U2SURP: variants seen among roughly 807,000 people sequenced by gnomAD.
U2SURP encodes U2 snRNP-associated SURP motif-containing protein.
Under a neutral mutation model 144.9 loss-of-function variants are expected in U2SURP, and 9 were observed. The observed-to-expected ratio is 0.06, with a 90% confidence interval of 0.04 to 0.11. The LOEUF is 0.11. Among genes scored for constraint, U2SURP ranks in the 10% least tolerant of loss-of-function variants. U2SURP has a pLI of 1.00. For synonymous variants in U2SURP, 408 were observed against 396.8 expected, an observed-to-expected ratio of 1.03 and a Z score of -0.33; for missense variants, 724 against 1,226.7, an observed-to-expected ratio of 0.59 and a Z score of 6.12.
intron 8 of U2SURP, 43 bp from the exon 9 acceptor site, chr3:143,021,307 G>A: frequency 6.4e-7 from 1 of 1,556,204 alleles, no homozygotes; most frequent in Non-Finnish European, 8.7e-7. Context: ...GGGGACTACT[G>A]TATTATAAAA....
chr3:143,024,598 A>G, intron 13 of U2SURP: 2 of 400,174 alleles, frequency 5.0e-6, no homozygotes, highest in South Asian at 1.9e-5. Context: ...CTCTTTCAAC[A>G]CACTATTAAA....
chr3:143,051,024 A>G lies in U2SURP; in HGVS notation c.2630A>G (p.His877Arg), dbSNP rs769233518. 4.3e-6 allele frequency: 7 copies of G among 1,611,006 alleles called. No individual in the cohort carries two copies. In the Admixed American group the frequency reaches 1.2e-4, roughly 27 times the overall value. The change falls in exon 25 of 28, where the codon CAC (histidine) becomes CGC (arginine). Residue 877 changes from histidine to arginine, a missense_variant. Physicochemically the swap from His to Arg is conservative, Grantham distance 29. Transcript: ENST00000473835. ...PGQSFQEQVE[H>R]YRDKLLQREK... The stretch of plus-strand genomic sequence containing the variant: ...CAGAGTTTTCAGGAGCAAGTAGAAC[A>G]CTACAGAGATAAACTTCTTCAACGA...
Position 143,023,028 on chromosome 3 carries a change from G to C in U2SURP, c.1194G>C (p.Met398Ile). The change falls in exon 12 of 28, where the codon ATG becomes ATC. Residue 398 changes from methionine to isoleucine, a missense_variant. Transcript: ENST00000473835. The part of the protein sequence containing the change: ...RERLKNPNAP[M>I]LPPPKNKEDF... ...GGTTAAAAAACCCTAATGCTCCTAT[G>C]TTACCGCCACCTAAAAACAAAGAGG... 6.2e-7 allele frequency: 1 copy of C among 1,609,314 alleles called. No homozygotes were observed. Among genetic ancestry groups the C allele is most frequent in the Non-Finnish European group, 8.5e-7 (1 of 1,177,912 alleles).
At chr3:143,003,677 C>T (rs79414101) in intron 1 of U2SURP, among the ~76,000 whole-genome samples, 37 of 101,512 alleles carry the variant, frequency 3.6e-4, no homozygotes, top group Admixed American at 8.8e-4. Flanking sequence ...TATTTTATTT[C>T]TTTTTTTTTT....
At chr3:143,004,108 C>T (rs924137280) in intron 1 of U2SURP, among the ~76,000 whole-genome samples, 5 of 152,108 alleles carry the variant, frequency 3.3e-5, no homozygotes, top group African/African-American at 4.8e-5. Flanking sequence ...ATTTCCTTTC[C>T]TCTGGAAAGA....
At chr3:143,045,141 C>T (rs6796771) in intron 24 of U2SURP, among the ~76,000 whole-genome samples, 91,015 of 151,734 alleles carry the variant, frequency 0.6, 27,545 homozygotes, top group East Asian at 0.7. Flanking sequence ...GAGGTCGAGG[C>T]GGGTGGATCA....
intron 24 of U2SURP, among the ~76,000 whole-genome samples, chr3:143,046,297 ATTTTT>A (rs11400849): frequency 9.4e-6 from 1 of 106,426 alleles, no homozygotes; most frequent in Admixed American, 1.0e-4. Context: ...TTTATTTTTT[ATTTTT>A]TTTTATTTTT....
In U2SURP at chr3:143,028,624, A is replaced by G. The variant is rs1440388621; in HGVS notation, c.1588A>G (p.Lys530Glu). Residue 530 changes from lysine (K) to glutamate (E), a missense_variant, in exon 16 of 28, where the codon AAA becomes GAA. Physicochemically the swap from Lys to Glu is moderately conservative, Grantham distance 56. Transcript: ENST00000473835. Reference protein sequence around the residue: ...ETEAFVEEPSKKGALKEEQRD... With the variant: ...ETEAFVEEPSEKGALKEEQRD... ...AGAAGCTTTTGTAGAGGAACCTAGTAAAAAGGGAGCACTTAAGGAAGAGTA... is the reference window on the plus strand; with the variant it reads ...AGAAGCTTTTGTAGAGGAACCTAGTGAAAAGGGAGCACTTAAGGAAGAGTA... The G allele has an allele frequency of 6.2e-7, 1 of 1,603,796 alleles. No homozygotes were observed. The highest frequency in any genetic ancestry group is 8.5e-7 in the Non-Finnish European group (1 of 1,177,236).
chr3:143,040,694 A>G (rs1336180427), intron 23 of U2SURP, among the ~76,000 whole-genome samples: 1 of 151,898 alleles, frequency 6.6e-6, no homozygotes, highest in Non-Finnish European at 1.5e-5. Context: ...TTGAACCTCG[A>G]ATTGTGGCTA....
At chr3:143,018,386 T>C (rs956154605) in intron 6 of U2SURP, among the ~76,000 whole-genome samples, 3 of 152,222 alleles carry the variant, frequency 2.0e-5, no homozygotes, top group Non-Finnish European at 4.4e-5. Flanking sequence ...TCATTCCTTT[T>C]TGTGGTTGAA....
chr3:143,036,263 T>G (rs1933803048), intron 20 of U2SURP, among the ~76,000 whole-genome samples, 159 bp downstream of exon 20: 1 of 152,204 alleles, frequency 6.6e-6, no homozygotes, highest in East Asian at 1.9e-4. Context: ...AACCCAGAAG[T>G]CAAAATTACA....
Position 143,057,052 on chromosome 3 carries a change from TTCTCTTGGGTAATACTAATAC to T in U2SURP, c.*603_*623del, listed in dbSNP as rs1463434796. ...TGCTAACCATTTGCTTTTGATAAGT[TTCTCTTGGGTAATACTAATAC>T]CCAGATATCAAAGACTAGGTAGATA... On this transcript the variant is annotated 3_prime_UTR_variant, in exon 28 of 28. Transcript: ENST00000473835. 6.6e-6 allele frequency: 1 copy of T among 152,546 alleles called. No individual in the cohort carries two copies. The highest frequency in any genetic ancestry group is 1.5e-5 in the Non-Finnish European group (1 of 68,004). 9.4% of individuals were successfully genotyped at this position (152,546 alleles called of 1,614,324 possible).
intron 24 of U2SURP, among the ~76,000 whole-genome samples, chr3:143,046,117 G>A (rs535310999): frequency 1.6e-3 from 239 of 151,866 alleles, no homozygotes; most frequent in Non-Finnish European, 2.4e-3. Flanking sequence ...GCATCCCCAC[G>A]TGTGTCCTAA....
chr3:143,020,593 C>T lies in U2SURP; in HGVS notation c.639-6C>T, dbSNP rs1367328118. Reference sequence around the variant, plus strand: ...CATTATAAGTGATTGTAAATATTTTCAACAGAATTCAAGAGGAACGTGATG... The same window carrying T: ...CATTATAAGTGATTGTAAATATTTTTAACAGAATTCAAGAGGAACGTGATG... On this transcript the variant is annotated splice_region_variant and splice_polypyrimidine_tract_variant and intron_variant, in intron 7 of 27. Coordinates refer to ENST00000473835, the MANE Select transcript of U2SURP (RefSeq NM_001080415.2). 6.2e-7 allele frequency: 1 copy of T among 1,603,834 alleles called. No individual in the cohort carries two copies. The highest frequency in any genetic ancestry group is 1.1e-5 in the South Asian group (1 of 89,222).
chr3:143,039,835 C>T (rs763489800), intron 23 of U2SURP, among the ~76,000 whole-genome samples: 4 of 151,626 alleles, frequency 2.6e-5, no homozygotes, highest in Non-Finnish European at 4.4e-5. Context: ...CAGTTTGATA[C>T]GATGGTGAAA....
chr3:143,017,561 CT>C (rs1475319182), intron 6 of U2SURP, among the ~76,000 whole-genome samples: 8 of 151,136 alleles, frequency 5.3e-5, no homozygotes, highest in African/African-American at 1.9e-4. Context: ...TAAAAAATAT[CT>C]CTAAAAGCAA....
intron 1 of U2SURP, among the ~76,000 whole-genome samples, chr3:143,002,995 C>G (rs1489422547): frequency 6.6e-6 from 1 of 152,170 alleles, no homozygotes; most frequent in East Asian, 1.9e-4. Flanking sequence ...CGTTAGGGAG[C>G]TATTACTAAA....
At chr3:143,014,279 C>T (rs376548935) in intron 3 of U2SURP, 32 bp from the exon 4 acceptor site, 14 of 1,434,134 alleles carry the variant, frequency 9.8e-6, no homozygotes, top group South Asian at 1.3e-5. Flanking sequence ...CATTAAGAAT[C>T]TATATGTAAA....
rs1578186536 is a variant in U2SURP, at chr3:143,060,122, A to G, written c.*3672A>G. ...CATGGAGCTTCAATGTAAATGGATTATATGTATAATTGGTAATTTGTATAG... is the reference window on the plus strand; with the variant it reads ...CATGGAGCTTCAATGTAAATGGATTGTATGTATAATTGGTAATTTGTATAG... On this transcript the variant is annotated 3_prime_UTR_variant, in exon 28 of 28. Transcript: ENST00000473835. 1 of 152,418 alleles carries G rather than the reference A, an allele frequency of 6.6e-6. No homozygotes were observed. The highest frequency in any genetic ancestry group is 2.1e-4 in the South Asian group (1 of 4,830). The allele number at this position is 152,418 out of a possible 1,614,324, so 9.4% of individuals were successfully genotyped here.
Sources: allele counts gnomAD v4.1 joint callset (sites outside exome capture counted in the v4.1 genomes callset), GRCh38; gene constraint gnomAD v4.1.1; transcripts MANE v1.5; gene names NCBI Gene and HGNC (gene_info 2026-07-23, HGNC 2026-07-21).